WWOX: variants seen among roughly 807,000 people sequenced by gnomAD.
WWOX encodes WW domain containing oxidoreductase.
In WWOX, 69 loss-of-function variants were observed where a neutral mutation model predicts 46.2. That is an observed-to-expected ratio of 1.49 (90% CI 1.23 to 1.82). The LOEUF (loss-of-function observed/expected upper bound fraction) is 1.82. Ranked by LOEUF, WWOX falls within the 40% of genes most tolerant of loss-of-function variation. The probability of loss-of-function intolerance (pLI) is 0.00; values close to 1 mark genes in which losing one functional copy is unlikely to be tolerated. For missense variants in WWOX, 919 were observed against 542.6 expected (o/e 1.69, Z -6.89); for synonymous variants, 359 against 202.6 (o/e 1.77, Z -6.56).
chr16:78,938,683 A>T (rs900899761), intron 8 of WWOX, among the ~76,000 whole-genome samples: 1 of 152,208 alleles, frequency 6.6e-6, no homozygotes, highest in East Asian at 1.9e-4. Context: ...GGAGATAGCA[A>T]TGAAGGCAGA....
chr16:78,310,626 A>G (rs2080222361), intron 5 of WWOX, among the ~76,000 whole-genome samples: 1 of 152,198 alleles, frequency 6.6e-6, no homozygotes, highest in African/African-American at 2.4e-5. Context: ...CACAGTGGAA[A>G]AGGCATGCTT....
Position 78,664,692 on chromosome 16 carries a change from A to T in WWOX, c.1056+231940A>T, listed in dbSNP as rs542506793. On this transcript the variant is annotated intron_variant, in intron 8 of 8. Coordinates refer to ENST00000566780, the MANE Select transcript of WWOX (RefSeq NM_016373.4). ...ACCAAGCATGCCGAACGGCCAGCAGAGTAGAAACTCTGTGTGCCCATCCAT... is the reference window on the plus strand; with the variant it reads ...ACCAAGCATGCCGAACGGCCAGCAGTGTAGAAACTCTGTGTGCCCATCCAT... Among the ~76,000 whole-genome samples, 3 of 152,346 alleles carry T rather than the reference A, an allele frequency of 2.0e-5. No homozygotes were observed. In the South Asian group the frequency reaches 6.2e-4, roughly 32 times the overall value.
rs1447041429 is a variant in WWOX at position 78,313,237 on chromosome 16, G to C, written c.517-73623G>C. 3.3e-5 allele frequency among the ~76,000 whole-genome samples: 5 copies of C among 152,170 alleles called. No individual in the cohort carries two copies. In the East Asian group the frequency reaches 9.6e-4, roughly 29 times the overall value. The stretch of plus-strand genomic sequence containing the variant: ...TGCTAGCCATGGAACCTCAGACTGG[G>C]ATCCTTGACTTCCTTATCTATAAAA... On this transcript the variant is annotated intron_variant, in intron 5 of 8. Transcript: ENST00000566780.
At chr16:78,200,568 T>A (rs2036198245) in intron 5 of WWOX, among the ~76,000 whole-genome samples, 1 of 151,322 alleles carries the variant, frequency 6.6e-6, no homozygotes, top group Non-Finnish European at 1.5e-5. Context: ...TCATTATTAC[T>A]GTGCTTTCCC....
rs370505934 is a variant in WWOX, at chr16:78,444,636, T to G, written c.1056+11884T>G. Among the ~76,000 whole-genome samples the G allele has an allele frequency of 6.6e-5, 10 of 151,160 alleles. No individual in the cohort carries two copies. The South Asian group carries it at 2.1e-3, about 32-fold the overall frequency. ...ACCTCTGCCTCCCGGGTTCAAGCAA[T>G]TCTCCTGCCTCAGACTCCCGAGTAG... On this transcript the variant is annotated intron_variant, in intron 8 of 8. Coordinates refer to ENST00000566780, the MANE Select transcript of WWOX (RefSeq NM_016373.4).
chr16:78,148,411 A>G (rs1295353363), intron 4 of WWOX, among the ~76,000 whole-genome samples: 1 of 152,146 alleles, frequency 6.6e-6, no homozygotes, highest in African/African-American at 2.4e-5. Context: ...TTATGGAGCA[A>G]TTGTTACTTT....
At chr16:78,163,508 T>G (rs994979311) in intron 4 of WWOX, among the ~76,000 whole-genome samples, 13 of 152,182 alleles carry the variant, frequency 8.5e-5, no homozygotes, top group Non-Finnish European at 1.8e-4. Flanking sequence ...TTCCAACCAC[T>G]ATGTTTGGAA....
chr16:78,369,653 A>T (rs138324316), intron 5 of WWOX, among the ~76,000 whole-genome samples: 12 of 151,868 alleles, frequency 7.9e-5, no homozygotes, highest in Middle Eastern at 3.4e-3. Flanking sequence ...TATCCATCCT[A>T]TTGTGGGACC....
At chr16:79,034,234 C>T (rs542586214) in intron 8 of WWOX, among the ~76,000 whole-genome samples, 1 of 152,002 alleles carries the variant, frequency 6.6e-6, no homozygotes, top group African/African-American at 2.4e-5. Context: ...AGCCTCATGC[C>T]CAATGTAAAA....
chr16:78,304,709 A>T (rs1209339300), intron 5 of WWOX, among the ~76,000 whole-genome samples: 3 of 152,200 alleles, frequency 2.0e-5, no homozygotes, highest in South Asian at 2.1e-4. Flanking sequence ...TTTTGCTATT[A>T]TGAACAACAC....
chr16:79,118,251 G>A (rs1050331773), intron 8 of WWOX, among the ~76,000 whole-genome samples: 11 of 152,172 alleles, frequency 7.2e-5, no homozygotes, highest in African/African-American at 2.4e-4. Context: ...CCAAGGAGGG[G>A]GAAAGAGAAG....
At chr16:79,144,836 T>C (rs935057564) in intron 8 of WWOX, among the ~76,000 whole-genome samples, 4 of 152,232 alleles carry the variant, frequency 2.6e-5, no homozygotes, top group Non-Finnish European at 5.9e-5. Flanking sequence ...TATGTAACTT[T>C]TATTACAATT....
At chr16:78,606,456 A>G (rs1314365168) in intron 8 of WWOX, among the ~76,000 whole-genome samples, 1 of 151,744 alleles carries the variant, frequency 6.6e-6, no homozygotes, top group Non-Finnish European at 1.5e-5. Context: ...GAAGAAAGAA[A>G]GAAAAAAAAA....
chr16:78,196,834 A>T (rs1183520015), intron 5 of WWOX, among the ~76,000 whole-genome samples: 1 of 152,198 alleles, frequency 6.6e-6, no homozygotes, highest in African/African-American at 2.4e-5. Flanking sequence ...GTACTCTCTG[A>T]TCATTTTGGA....
chr16:78,507,492 A>G (rs571747928), intron 8 of WWOX, among the ~76,000 whole-genome samples: 24 of 152,348 alleles, frequency 1.6e-4, no homozygotes, highest in African/African-American at 5.5e-4. Context: ...CGGTTGGTCC[A>G]TAAAAAGCTG....
At chr16:78,514,517 G>A (rs781065109) in intron 8 of WWOX, among the ~76,000 whole-genome samples, 1 of 152,138 alleles carries the variant, frequency 6.6e-6, no homozygotes, top group Non-Finnish European at 1.5e-5. Flanking sequence ...TGCGGCCCTG[G>A]TACACTTAGA....
intron 8 of WWOX, among the ~76,000 whole-genome samples, chr16:78,715,006 C>T (rs1466428451): frequency 1.3e-5 from 2 of 152,028 alleles, no homozygotes; most frequent in Non-Finnish European, 2.9e-5. Flanking sequence ...ATTGTCATGG[C>T]CTGGGTGTGG....
intron 8 of WWOX, among the ~76,000 whole-genome samples, chr16:78,722,168 C>G (rs894911589): frequency 1.3e-5 from 2 of 152,190 alleles, no homozygotes; most frequent in Non-Finnish European, 2.9e-5. Context: ...GGCTCACTCC[C>G]TGTCTGTCCA....
intron 8 of WWOX, among the ~76,000 whole-genome samples, chr16:78,989,223 T>A (rs1320939314): frequency 6.6e-6 from 1 of 152,204 alleles, no homozygotes; most frequent in Non-Finnish European, 1.5e-5. Context: ...CCCCATCCAC[T>A]AACCATCTTT....
Sources: gnomAD v4.1 joint callset for allele counts (sites outside exome capture counted in the v4.1 genomes callset) on GRCh38, gnomAD v4.1.1 for gene constraint, MANE v1.5 for transcripts, NCBI Gene and HGNC (gene_info 2026-07-23, HGNC 2026-07-21) for gene names.